LRRTM4: variants seen among roughly 807,000 people sequenced by gnomAD.
The protein encoded by LRRTM4 is leucine rich repeat transmembrane neuronal 4.
A neutral mutation model predicts 47.6 loss-of-function variants in LRRTM4; 25 were observed. That is an observed-to-expected ratio of 0.53 (90% confidence interval 0.38 to 0.73). The LOEUF (loss-of-function observed/expected upper bound fraction) is 0.73. Among genes scored for constraint, LRRTM4 ranks in the 30% least tolerant of loss-of-function variants. The pLI is 0.00. For synonymous variants in LRRTM4, 311 were observed against 269.5 expected, an observed-to-expected ratio of 1.15 and a Z score of -1.51; for missense variants, 638 against 713.4, an observed-to-expected ratio of 0.89 and a Z score of 1.20.
chr2:76,895,234 T>A (rs938951753), intron 3 of LRRTM4, among the ~76,000 whole-genome samples: 1 of 152,020 alleles, frequency 6.6e-6, no homozygotes, highest in African/African-American at 2.4e-5. Context: ...GGAAGACAAT[T>A]TACCATGAAT....
intron 3 of LRRTM4, among the ~76,000 whole-genome samples, chr2:76,888,820 A>G (rs1328387306): frequency 6.6e-6 from 1 of 151,858 alleles, no homozygotes; most frequent in Non-Finnish European, 1.5e-5. Context: ...CCAAAAGAAC[A>G]ATTTTTTATG....
At chr2:77,224,623 A>C (rs544173728) in intron 3 of LRRTM4, among the ~76,000 whole-genome samples, 1 of 152,352 alleles carries the variant, frequency 6.6e-6, no homozygotes, top group African/African-American at 2.4e-5. Context: ...GCTCATCATC[A>C]CTGGCGGTCA....
At chr2:77,005,974 A>G (rs1055087012) in intron 3 of LRRTM4, among the ~76,000 whole-genome samples, 1 of 152,244 alleles carries the variant, frequency 6.6e-6, no homozygotes, top group Non-Finnish European at 1.5e-5. Context: ...AGGATAGTTA[A>G]GGTTCATAAT....
intron 3 of LRRTM4, among the ~76,000 whole-genome samples, chr2:76,842,068 C>T (rs538971226): frequency 1.3e-5 from 2 of 152,118 alleles, no homozygotes; most frequent in Non-Finnish European, 2.9e-5. Context: ...CCAGGAGTGA[C>T]TGAAATTTGA....
chr2:76,849,235 A>G (rs1176506297), intron 3 of LRRTM4, among the ~76,000 whole-genome samples: 1 of 152,114 alleles, frequency 6.6e-6, no homozygotes. Flanking sequence ...AAGGAAGGGC[A>G]ATCATCTGGA....
chr2:76,924,282 A>G (rs1010087272), intron 3 of LRRTM4, among the ~76,000 whole-genome samples: 6 of 152,116 alleles, frequency 3.9e-5, no homozygotes, highest in Non-Finnish European at 8.8e-5. Context: ...AAATTGCACC[A>G]ACCTGTCTTT....
intron 3 of LRRTM4, among the ~76,000 whole-genome samples, chr2:77,114,023 A>G (rs939327391): frequency 1.3e-5 from 2 of 152,110 alleles, no homozygotes; most frequent in Non-Finnish European, 2.9e-5. Context: ...AATTCTCAAC[A>G]TCATCAGGTG....
At chr2:77,514,087 T>A (rs1679121145) in intron 3 of LRRTM4, among the ~76,000 whole-genome samples, 1 of 151,822 alleles carries the variant, frequency 6.6e-6, no homozygotes, top group Non-Finnish European at 1.5e-5. Flanking sequence ...TATACAGACA[T>A]ACATACATGG....
At chr2:76,784,683 T>C (rs1272156994) in intron 3 of LRRTM4, among the ~76,000 whole-genome samples, 2 of 152,104 alleles carry the variant, frequency 1.3e-5, no homozygotes, top group Admixed American at 1.3e-4. Context: ...CATGAATAGC[T>C]TCCTAAGTTC....
chr2:77,094,159 CA>C (rs1203375048), intron 3 of LRRTM4, among the ~76,000 whole-genome samples: 1 of 151,848 alleles, frequency 6.6e-6, no homozygotes, highest in East Asian at 1.9e-4. Context: ...ACAAAAAAAG[CA>C]ATTTAAAAAC....
At chr2:76,830,544 G>GTT (rs1671320736) in intron 3 of LRRTM4, among the ~76,000 whole-genome samples, 1 of 150,482 alleles carries the variant, frequency 6.6e-6, no homozygotes, top group African/African-American at 2.5e-5. Flanking sequence ...GTGTGTGTGT[G>GTT]TGTTTCTGCA....
chr2:76,767,240 C>T (rs985515531), intron 3 of LRRTM4, among the ~76,000 whole-genome samples: 3 of 152,104 alleles, frequency 2.0e-5, no homozygotes, highest in East Asian at 1.9e-4. Flanking sequence ...TTTATATGGA[C>T]GTTTAACATC....
At chr2:76,751,011 AGTT>A (rs1177583710) in intron 3 of LRRTM4, among the ~76,000 whole-genome samples, 7 of 152,226 alleles carry the variant, frequency 4.6e-5, no homozygotes, top group Non-Finnish European at 1.0e-4. Flanking sequence ...TATAAAGATA[AGTT>A]GTTCATAAGA....
At chr2:77,375,978 T>C (rs1188357352) in intron 3 of LRRTM4, among the ~76,000 whole-genome samples, 1 of 151,828 alleles carries the variant, frequency 6.6e-6, no homozygotes, top group Non-Finnish European at 1.5e-5. Flanking sequence ...CTATTTTAAA[T>C]CGTTCATACA....
chr2:77,123,240 A>G (rs1307184731), intron 3 of LRRTM4, among the ~76,000 whole-genome samples: 2 of 151,664 alleles, frequency 1.3e-5, no homozygotes, highest in Non-Finnish European at 2.9e-5. Flanking sequence ...AGAGAGAGAG[A>G]GAGAAATTTA....
At position 77,113,919 on chromosome 2, in the gene LRRTM4, G is replaced by A. The variant is rs975238542; in HGVS notation, c.1552-365003C>T. Reference sequence around the variant, plus strand: ...TATATGGCCCAGGGCTGTCCTATTCGGGGCCGCGGAAGCTGCAAGTAGCGG... The same window carrying A: ...TATATGGCCCAGGGCTGTCCTATTCAGGGCCGCGGAAGCTGCAAGTAGCGG... On this transcript the variant is annotated intron_variant, in intron 3 of 3. Coordinates refer to ENST00000409884, the MANE Select transcript of LRRTM4 (RefSeq NM_001134745.3). 7.9e-5 allele frequency among the ~76,000 whole-genome samples: 12 copies of A among 152,164 alleles called. 1 individual carries two copies. The East Asian group carries it at 1.7e-3, about 22-fold the overall frequency.
At chr2:77,079,362 C>T (rs1231898879) in intron 3 of LRRTM4, among the ~76,000 whole-genome samples, 6 of 152,160 alleles carry the variant, frequency 3.9e-5, no homozygotes, top group Admixed American at 1.3e-4. Flanking sequence ...TATTGAAACA[C>T]ATCTGTGCCT....
chr2:76,928,279 T>C (rs1424854137), intron 3 of LRRTM4, among the ~76,000 whole-genome samples: 2 of 152,184 alleles, frequency 1.3e-5, no homozygotes, highest in African/African-American at 4.8e-5. Flanking sequence ...ATTTTGACTG[T>C]CAGTTCTCTC....
rs1251703426 is a variant in LRRTM4 at position 76,845,070 on chromosome 2, G to A, written c.1552-96154C>T. 3.3e-5 allele frequency among the ~76,000 whole-genome samples: 5 copies of A among 152,116 alleles called. No homozygotes were observed. In the East Asian group the frequency reaches 7.7e-4, roughly 23 times the overall value. On this transcript the variant is annotated intron_variant, in intron 3 of 3. Coordinates refer to ENST00000409884, the MANE Select transcript of LRRTM4 (RefSeq NM_001134745.3). ...CTTATTTCAGTTTGCTTTAATGCTG[G>A]AGAATGGGCGTTTTGTGATTTAAAA...
Sources: gnomAD v4.1 joint callset for allele counts (sites outside exome capture counted in the v4.1 genomes callset) on GRCh38, gnomAD v4.1.1 for gene constraint, MANE v1.5 for transcripts, NCBI Gene and HGNC (gene_info 2026-07-23, HGNC 2026-07-21) for gene names.